LZTFL1: variants seen among roughly 807,000 people sequenced by gnomAD.
LZTFL1 encodes the protein leucine zipper transcription factor like 1, also known as leucine zipper transcription factor-like protein 1.
Under a neutral mutation model 45.9 loss-of-function variants are expected in LZTFL1, and 25 were observed. The observed-to-expected ratio is 0.54, with a 90% CI of 0.40 to 0.76. The LOEUF is 0.76. Among genes scored for constraint, LZTFL1 ranks in the 30% least tolerant of loss-of-function variants. The probability of loss-of-function intolerance (pLI) is 0.00; values close to 1 mark genes in which losing one functional copy is unlikely to be tolerated. For synonymous variants in LZTFL1, 93 were observed against 117.4 expected, an observed-to-expected ratio of 0.79 and a Z score of 1.35; for missense variants, 277 against 331.1, an observed-to-expected ratio of 0.84 and a Z score of 1.27.
rs1223336221 is a variant in LZTFL1 at position 45,894,488 on chromosome 3, G to T, written c.-215+18632C>A. 4.6e-5 allele frequency among the ~76,000 whole-genome samples: 7 copies of T among 152,294 alleles called. No individual in the cohort carries two copies. The East Asian group carries it at 7.7e-4, about 17-fold the overall frequency. On this transcript the variant is annotated intron_variant, in intron 2 of 4. Coordinates refer to the LZTFL1 transcript ENST00000472635. ...GGTGAGTCCCTTAGCTGATAGAGCA[G>T]GGGGAAGGGGAACCAGTCAGCAAAA... is the stretch of plus-strand genomic sequence containing the variant.
Position 45,826,205 on chromosome 3 carries a change from T to C in LZTFL1, c.*109A>G, listed in dbSNP as rs1334355895. 2 of 929,176 alleles carry C rather than the reference T, an allele frequency of 2.2e-6. No individual in the cohort carries two copies. The highest frequency in any genetic ancestry group is 3.3e-5 in the African/African-American group (2 of 60,170). 57.6% of individuals were successfully genotyped at this position (929,176 alleles called of 1,614,324 possible). A position where few individuals can be genotyped will look rare whatever the true frequency, so the allele number is the denominator to read the frequency against. On this transcript the variant is annotated 3_prime_UTR_variant, in exon 10 of 10. Coordinates refer to ENST00000296135, the MANE Select transcript of LZTFL1 (RefSeq NM_020347.4). ...GTTCTAAATATTCAAAGTCTAAATA[T>C]TAGAAAAATAAGGAGAGGGGATATG...
At chr3:45,846,527 C>T (rs1389246038), upstream of LZTFL1, among the ~76,000 whole-genome samples, 1 of 152,148 alleles carries the variant, frequency 6.6e-6, no homozygotes, top group African/African-American at 2.4e-5. Flanking sequence ...TAATAGACTG[C>T]TGTTGACTGG....
chr3:45,859,266 C>A (rs1175167456), intron 2 of LZTFL1, among the ~76,000 whole-genome samples: 1 of 152,224 alleles, frequency 6.6e-6, no homozygotes, highest in East Asian at 1.9e-4. Context: ...ATCTGACTCT[C>A]CCAGGCTTGA....
At chr3:45,909,645 G>A (rs1047207713) in intron 2 of LZTFL1, among the ~76,000 whole-genome samples, 6 of 152,218 alleles carry the variant, frequency 3.9e-5, no homozygotes, top group African/African-American at 1.4e-4. Context: ...GAGACTGGAT[G>A]GACTCTTCCT....
intron 2 of LZTFL1, among the ~76,000 whole-genome samples, chr3:45,836,909 A>T (rs1018993873): frequency 6.6e-6 from 1 of 152,140 alleles, no homozygotes; most frequent in Non-Finnish European, 1.5e-5. Flanking sequence ...TCCAGTTTCA[A>T]TGACAGTATC....
chr3:45,901,830 A>G lies in LZTFL1; in HGVS notation c.-215+11290T>C, dbSNP rs1208489063. The G allele has an allele frequency of 6.2e-7, 1 of 1,613,486 alleles. No individual in the cohort carries two copies. Among genetic ancestry groups the G allele is most frequent in the African/African-American group, 1.3e-5 (1 of 74,922 alleles). ...CCAGGCCCAGTGGGTTTCATTTACA[A>G]GGAGAGAGGGAAGCTTGAAGCTGTC... On this transcript the variant is annotated intron_variant, in intron 2 of 4. Transcript: ENST00000472635. The surrounding 1 kb of genome is among the most constrained non-coding windows in gnomAD (Gnocchi z 4.3).
chr3:45,875,813 T>A (rs1412024828), intron 2 of LZTFL1, among the ~76,000 whole-genome samples: 1 of 152,244 alleles, frequency 6.6e-6, no homozygotes, highest in Non-Finnish European at 1.5e-5. Flanking sequence ...AGTAGAAGGT[T>A]TTTTTATTCT....
At chr3:45,903,615 C>A (rs1278107485) in intron 2 of LZTFL1, among the ~76,000 whole-genome samples, 1 of 152,212 alleles carries the variant, frequency 6.6e-6, no homozygotes. Flanking sequence ...CTTTTTCTCC[C>A]TGCCCACTTC....
chr3:45,864,370 A>G (rs1701543787), intron 2 of LZTFL1, among the ~76,000 whole-genome samples: 1 of 152,212 alleles, frequency 6.6e-6, no homozygotes, highest in African/African-American at 2.4e-5. Flanking sequence ...TGTCATAATG[A>G]AGAATTTTTA....
chr3:45,879,469 G>A (rs1701812397), intron 2 of LZTFL1, among the ~76,000 whole-genome samples: 1 of 152,186 alleles, frequency 6.6e-6, no homozygotes. Context: ...AAAAACTGGA[G>A]ACAGTAAAAA....
chr3:45,867,219 G>T, intron 2 of LZTFL1, among the ~76,000 whole-genome samples: 1 of 147,154 alleles, frequency 6.8e-6, no homozygotes, highest in African/African-American at 2.5e-5. Context: ...TTTGTTAATT[G>T]CCTTCTCTTT....
In LZTFL1 at chr3:45,827,202, C is replaced by G. The variant is rs968011189; in HGVS notation, c.881+154G>C. 20 of 652,848 alleles carry G rather than the reference C, an allele frequency of 3.1e-5. No homozygotes were observed. In the African/African-American group the frequency reaches 3.7e-4, roughly 12 times the overall value. 40.4% of individuals were successfully genotyped at this position (652,848 alleles called of 1,614,324 possible). On this transcript the variant is annotated intron_variant, in intron 9 of 9. Coordinates refer to ENST00000296135, the MANE Select transcript of LZTFL1 (RefSeq NM_020347.4). ...GGTGGGCATTATAGATAAGGTCAGG[C>G]CAGAGCTCCTCCACTTTCCTCAAAT...
intron 2 of LZTFL1, among the ~76,000 whole-genome samples, chr3:45,908,632 G>A (rs1186840245): frequency 6.6e-6 from 1 of 152,206 alleles, no homozygotes; most frequent in East Asian, 1.9e-4. Context: ...ACAGGAAGCA[G>A]GGGAGAAAGG....
At chr3:45,882,017 G>A (rs1701869701) in intron 2 of LZTFL1, among the ~76,000 whole-genome samples, 1 of 152,224 alleles carries the variant, frequency 6.6e-6, no homozygotes, top group South Asian at 2.1e-4. Flanking sequence ...ACAGTGTCAT[G>A]TTCACTAGCT....
chr3:45,900,985 A>G lies in LZTFL1; in HGVS notation c.-215+12135T>C, dbSNP rs1224563041. ...GTGTTCATCGTGGGTGCCTTGGGCA[A>G]CAGTCTTGTTATCCTTGTCTACTGG... On this transcript the variant is annotated intron_variant, in intron 2 of 4. Coordinates refer to the LZTFL1 transcript ENST00000472635. The surrounding 1 kb of genome is among the most constrained non-coding windows in gnomAD (Gnocchi z 4.7). The G allele has an allele frequency of 8.1e-6, 13 of 1,614,156 alleles. No individual in the cohort carries two copies. Among genetic ancestry groups the G allele is most frequent in the Non-Finnish European group, 9.3e-6 (11 of 1,180,012 alleles).
rs1702229356 is a variant in LZTFL1 at position 45,892,850 on chromosome 3, C to T, written c.-215+20270G>A. 2.6e-5 allele frequency among the ~76,000 whole-genome samples: 4 copies of T among 152,252 alleles called. No individual in the cohort carries two copies. The South Asian group carries it at 8.3e-4, about 32-fold the overall frequency. Reference sequence around the variant, plus strand: ...GAAAAGCTACCAGCAGAGAGGTTACCAGGAGGAAGTTCTGGTTGCTTTCCT... The same window carrying T: ...GAAAAGCTACCAGCAGAGAGGTTACTAGGAGGAAGTTCTGGTTGCTTTCCT... On this transcript the variant is annotated intron_variant, in intron 2 of 4. Coordinates refer to the LZTFL1 transcript ENST00000472635.
intron 2 of LZTFL1, among the ~76,000 whole-genome samples, chr3:45,863,468 G>C (rs965490239): frequency 6.6e-5 from 10 of 152,108 alleles, no homozygotes; most frequent in African/African-American, 2.4e-4. Context: ...TGGTCTTCAG[G>C]AGAAAAACAG....
chr3:45,876,339 T>C (rs1474420347), intron 2 of LZTFL1, among the ~76,000 whole-genome samples: 2 of 152,238 alleles, frequency 1.3e-5, no homozygotes, highest in East Asian at 1.9e-4. Context: ...GATTTCTCTG[T>C]AGTGTTTAGA....
intron 2 of LZTFL1, among the ~76,000 whole-genome samples, chr3:45,865,403 T>G (rs1385191644): frequency 1.3e-5 from 2 of 152,240 alleles, no homozygotes. Context: ...GAAACCAGAG[T>G]TAGAGCAACA....
Sources: allele counts gnomAD v4.1 joint callset (sites outside exome capture counted in the v4.1 genomes callset), GRCh38; gene constraint gnomAD v4.1.1; non-coding constraint Gnocchi (gnomAD v3.1); transcripts MANE v1.5; gene names NCBI Gene and HGNC (gene_info 2026-07-23, HGNC 2026-07-21).